NPRL3: variants seen among roughly 807,000 people sequenced by gnomAD.
The protein encoded by NPRL3 is NPR3 like, GATOR1 complex subunit, also known as GATOR1 complex protein NPRL3.
NPRL3 carries 23 observed loss-of-function variants against 57.2 expected under a neutral mutation model. That is an observed-to-expected ratio of 0.40 (90% CI 0.29 to 0.57). NPRL3 has a LOEUF of 0.57. NPRL3 is among the 20% of genes least tolerant of loss of function. The pLI is 0.42. For missense variants in NPRL3, 691 were observed against 767.1 expected (o/e 0.90, Z 1.17); for synonymous variants, 333 against 321.1 (o/e 1.04, Z -0.39).
intron 9 of NPRL3, among the ~76,000 whole-genome samples, chr16:95,346 TATATACACAC>T (rs1442360119): frequency 8.6e-5 from 4 of 46,412 alleles, no homozygotes; most frequent in South Asian, 1.2e-3. Context: ...TATATATATA[TATATACACAC>T]ACACACACAC....
chr16:107,438 G>C (rs1306371667), intron 7 of NPRL3, among the ~76,000 whole-genome samples: 2 of 152,080 alleles, frequency 1.3e-5, no homozygotes, highest in African/African-American at 4.8e-5. Flanking sequence ...AAGGTCAGGA[G>C]TTCGAGACCA....
intron 7 of NPRL3, among the ~76,000 whole-genome samples, chr16:104,814 G>C (rs890091613): frequency 6.6e-6 from 1 of 152,188 alleles, no homozygotes; most frequent in Non-Finnish European, 1.5e-5. Context: ...ACATGTCAGA[G>C]GGATGACTGC....
At chr16:101,124 T>TCAGGCCCCTGCCCGTC (rs1221760673) in intron 7 of NPRL3, among the ~76,000 whole-genome samples, 1 of 152,024 alleles carries the variant, frequency 6.6e-6, no homozygotes, top group East Asian at 1.9e-4. Flanking sequence ...GCACTCTAAC[T>TCAGGCCCCTGCCCGTC]CAGGCCCCTG....
chr16:111,769 T>C (rs1329178040), intron 6 of NPRL3, among the ~76,000 whole-genome samples: 1 of 152,184 alleles, frequency 6.6e-6, no homozygotes, highest in Non-Finnish European at 1.5e-5. Context: ...AAATTTGTAC[T>C]GAAAATGCAC....
At chr16:105,500 G>A (rs911657744) in intron 7 of NPRL3, among the ~76,000 whole-genome samples, 4 of 45,918 alleles carry the variant, frequency 8.7e-5, no homozygotes, top group African/African-American at 4.9e-4. Context: ...TTATGGAAAT[G>A]GGTACTACAA....
chr16:114,350 C>A (rs1899940181), intron 5 of NPRL3, among the ~76,000 whole-genome samples: 1 of 152,144 alleles, frequency 6.6e-6, no homozygotes, highest in Non-Finnish European at 1.5e-5. Context: ...GGTGTGCCAG[C>A]ACTAATGGGA....
chr16:116,128 C>G (rs1044421217), intron 5 of NPRL3, among the ~76,000 whole-genome samples: 2 of 152,026 alleles, frequency 1.3e-5, no homozygotes, highest in Admixed American at 1.3e-4. Flanking sequence ...CTACAGCATC[C>G]TGGAAACACT....
intron 7 of NPRL3, 102 bp downstream of exon 7, chr16:110,422 AC>A (rs1899749286): frequency 1.2e-6 from 1 of 839,342 alleles, no homozygotes; most frequent in Non-Finnish European, 2.0e-6. Context: ...CCCCAGGAGA[AC>A]AGTGGTCAGT....
At chr16:135,257 G>A (rs1229609814) in intron 2 of NPRL3, among the ~76,000 whole-genome samples, 2 of 152,128 alleles carry the variant, frequency 1.3e-5, no homozygotes, top group African/African-American at 4.8e-5. Flanking sequence ...GGCTCCAAAG[G>A]CAACCATGCA....
intron 2 of NPRL3, among the ~76,000 whole-genome samples, chr16:131,156 G>A (rs900747759): frequency 2.6e-5 from 4 of 152,170 alleles, no homozygotes; most frequent in Admixed American, 2.0e-4. Context: ...CCAACATGGC[G>A]AAACCCCGTC....
intron 7 of NPRL3, among the ~76,000 whole-genome samples, chr16:103,296 A>ATTTTTT (rs533871530): frequency 0.13 from 5,367 of 42,010 alleles, 1,681 homozygotes; most frequent in Non-Finnish European, 0.16. Context: ...GCCTGGGGTG[A>ATTTTTT]TTTTTTTTTT....
At chr16:127,182 T>C (rs141403187) in intron 3 of NPRL3, 1,683 of 152,548 alleles carry the variant, frequency 0.011, 35 homozygotes, top group African/African-American at 0.038. Context: ...CTGAACCATA[T>C]CTTGATGATG....
In NPRL3 at chr16:103,296, ATTTTTTTTTTTT is replaced by A. The variant is rs533871530; in HGVS notation, c.630-2799_630-2788del. On this transcript the variant is annotated intron_variant, in intron 7 of 13. Coordinates refer to ENST00000611875, the MANE Select transcript of NPRL3 (RefSeq NM_001077350.3). ...GACGTGCAACATCACGCCTGGGGTG[ATTTTTTTTTTTT>A]TTTTTTTTTTTTTTTTTGTAGAGAC... 8.3e-4 allele frequency among the ~76,000 whole-genome samples: 35 copies of A among 42,126 alleles called. 1 individual carries two copies. The highest frequency in any genetic ancestry group is 6.2e-3 in the East Asian group (9 of 1,446). 27.6% of individuals were successfully genotyped at this position (42,126 alleles called of 152,430 possible).
intron 13 of NPRL3, among the ~76,000 whole-genome samples, chr16:87,409 T>C (rs1389608646): frequency 6.6e-6 from 1 of 151,928 alleles, no homozygotes; most frequent in Non-Finnish European, 1.5e-5. Flanking sequence ...AATTTCTCTC[T>C]TTTTTAGTAG....
intron 9 of NPRL3, among the ~76,000 whole-genome samples, chr16:95,374 CA>C (rs1433139522): frequency 7.0e-6 from 1 of 142,672 alleles, no homozygotes; most frequent in Admixed American, 7.0e-5. Flanking sequence ...CACACACACA[CA>C]CACACACACA....
At chr16:97,996 C>T (rs934241453) in intron 9 of NPRL3, 149 bp downstream of exon 9, 3 of 930,810 alleles carry the variant, frequency 3.2e-6, no homozygotes, top group Admixed American at 2.7e-5. Context: ...AACCTCCAGC[C>T]ATCCCAGGGA....
At chr16:95,317 T>G (rs1356718329) in intron 9 of NPRL3, among the ~76,000 whole-genome samples, 9 of 107,010 alleles carry the variant, frequency 8.4e-5, no homozygotes, top group East Asian at 5.0e-4. Flanking sequence ...AATAAAATGT[T>G]TGTGTGTGTA....
intron 7 of NPRL3, among the ~76,000 whole-genome samples, chr16:101,723 C>T (rs1220813112): frequency 6.6e-6 from 1 of 152,232 alleles, no homozygotes; most frequent in Non-Finnish European, 1.5e-5. Flanking sequence ...GCAACACCCA[C>T]GTTCCTGTGG....
chr16:132,486 C>T (rs1448512904), intron 2 of NPRL3, among the ~76,000 whole-genome samples: 3 of 152,174 alleles, frequency 2.0e-5, no homozygotes, highest in African/African-American at 7.2e-5. Context: ...TCAAAGTCAT[C>T]CATGAGAGCT....
Sources: allele counts gnomAD v4.1 joint callset (sites outside exome capture counted in the v4.1 genomes callset), GRCh38; gene constraint gnomAD v4.1.1; transcripts MANE v1.5; gene names NCBI Gene and HGNC (gene_info 2026-07-23, HGNC 2026-07-21).